Variants in SLC4A4 observed in about 807,000 individuals in gnomAD.
SLC4A4 encodes electrogenic sodium bicarbonate cotransporter 1.
In SLC4A4, 27 loss-of-function variants were observed where a neutral mutation model predicts 111.5. That is an observed-to-expected ratio of 0.24 (90% CI 0.18 to 0.33). The LOEUF (loss-of-function observed/expected upper bound fraction) is 0.33, where lower values mean the gene tolerates loss of function less well. SLC4A4 is among the 10% of genes least tolerant of loss of function. The pLI is 1.00. For synonymous variants in SLC4A4, 443 were observed against 463.4 expected (o/e 0.96, Z 0.57); for missense variants, 909 against 1,315.5 (o/e 0.69, Z 4.78).
chr4:71,391,594 T>A (rs150745199), intron 6 of SLC4A4, among the ~76,000 whole-genome samples: 4 of 152,236 alleles, frequency 2.6e-5, no homozygotes, highest in Admixed American at 2.0e-4. Context: ...GAAAATGAAG[T>A]TGTTTTTGAT....
At chr4:71,488,672 G>T (rs1190041284) in intron 15 of SLC4A4, among the ~76,000 whole-genome samples, 1 of 151,696 alleles carries the variant, frequency 6.6e-6, no homozygotes, top group East Asian at 2.0e-4. Context: ...GTAGAACAAA[G>T]ATTTGAAGTG....
intron 3 of SLC4A4, among the ~76,000 whole-genome samples, chr4:71,329,602 G>T (rs1363344729): frequency 1.3e-5 from 2 of 151,920 alleles, no homozygotes; most frequent in East Asian, 1.9e-4. Context: ...TTACTTTCTT[G>T]ATTTCTTTTT....
chr4:71,487,084 TTATAA>T (rs1729474490), intron 15 of SLC4A4, 66 bp downstream of exon 15: 1 of 929,266 alleles, frequency 1.1e-6, no homozygotes, highest in East Asian at 2.5e-5. Context: ...TTTATAATAC[TTATAA>T]TATATGATGT....
chr4:71,376,420 G>A (rs34829556), intron 6 of SLC4A4, among the ~76,000 whole-genome samples: 19,449 of 150,382 alleles, frequency 0.13, 1,689 homozygotes, highest in South Asian at 0.29. Context: ...AGCCAGGATG[G>A]TCTTGATCTC....
At chr4:71,284,709 C>T (rs1193784024) in intron 3 of SLC4A4, among the ~76,000 whole-genome samples, 2 of 152,120 alleles carry the variant, frequency 1.3e-5, no homozygotes, top group Non-Finnish European at 2.9e-5. Flanking sequence ...TGGCTGTTTG[C>T]ATTTAAACAA....
At chr4:71,135,441 C>T (rs1045488819) in intron 2 of SLC4A4, among the ~76,000 whole-genome samples, 1 of 151,746 alleles carries the variant, frequency 6.6e-6, no homozygotes, top group African/African-American at 2.4e-5. Flanking sequence ...GACTACAGGC[C>T]TGCACCACCA....
chr4:71,431,668 T>A (rs1723656480), intron 7 of SLC4A4, among the ~76,000 whole-genome samples: 1 of 152,112 alleles, frequency 6.6e-6, no homozygotes, highest in Non-Finnish European at 1.5e-5. Flanking sequence ...CACCACACAT[T>A]TTTATTTTAG....
Position 71,090,417 on chromosome 4 carries a change from T to A in SLC4A4, c.-64-2313T>A, listed in dbSNP as rs952704330. Among the ~76,000 whole-genome samples, 7 of 152,176 alleles carry A rather than the reference T, an allele frequency of 4.6e-5. No homozygotes were observed. The East Asian group carries it at 1.4e-3, about 29-fold the overall frequency. ...CACCCACTGTCCTGCACCCACTTTCTGACACTCCCCAGTGAGATGAACCTG... is the reference window on the plus strand; with the variant it reads ...CACCCACTGTCCTGCACCCACTTTCAGACACTCCCCAGTGAGATGAACCTG... On this transcript the variant is annotated intron_variant, in intron 1 of 26. Transcript: ENST00000649996.
intron 7 of SLC4A4, among the ~76,000 whole-genome samples, chr4:71,402,144 A>AT (rs1560475488): frequency 6.6e-6 from 1 of 152,206 alleles, no homozygotes; most frequent in Non-Finnish European, 1.5e-5. Flanking sequence ...GAATTTAAAT[A>AT]TTTTGTCAGA....
At chr4:71,540,622 C>G (rs1734952624) in intron 18 of SLC4A4, among the ~76,000 whole-genome samples, 1 of 152,042 alleles carries the variant, frequency 6.6e-6, no homozygotes, top group African/African-American at 2.4e-5. Flanking sequence ...CCGTCTGTGC[C>G]CTGAAGGAGT....
intron 2 of SLC4A4, among the ~76,000 whole-genome samples, chr4:71,121,105 A>AGCAGG (rs1743406384): frequency 6.6e-6 from 1 of 152,028 alleles, no homozygotes; most frequent in Non-Finnish European, 1.5e-5. Flanking sequence ...AGGGTCCCCC[A>AGCAGG]GTAGGGCTGG....
chr4:71,289,795 C>T (rs1724193280), intron 3 of SLC4A4, among the ~76,000 whole-genome samples: 1 of 152,186 alleles, frequency 6.6e-6, no homozygotes, highest in South Asian at 2.1e-4. Context: ...ATAAGCAAGA[C>T]AACAAGCACA....
chr4:71,545,519 A>G (rs1446899832), intron 18 of SLC4A4, among the ~76,000 whole-genome samples: 2 of 152,056 alleles, frequency 1.3e-5, no homozygotes, highest in Admixed American at 6.6e-5. Flanking sequence ...AAGAAATAGA[A>G]CCATAGAATA....
upstream of SLC4A4, among the ~76,000 whole-genome samples, chr4:71,183,141 G>C (rs950119629): frequency 6.6e-6 from 1 of 152,202 alleles, no homozygotes; most frequent in Non-Finnish European, 1.5e-5. Context: ...TAAGCTCCTT[G>C]ATTTTAATGC....
chr4:71,421,917 A>G (rs1022716511), intron 7 of SLC4A4, among the ~76,000 whole-genome samples: 33 of 152,166 alleles, frequency 2.2e-4, no homozygotes, highest in African/African-American at 6.0e-4. Context: ...TAACATCACA[A>G]TTAAAGGAAC....
At chr4:71,095,091 C>T (rs367791019) in intron 2 of SLC4A4, among the ~76,000 whole-genome samples, 1 of 152,132 alleles carries the variant, frequency 6.6e-6, no homozygotes. Context: ...TCAGAGAGCA[C>T]TATGTTGAAA....
chr4:71,551,140 TC>T (rs1735962197), intron 20 of SLC4A4, among the ~76,000 whole-genome samples: 1 of 151,880 alleles, frequency 6.6e-6, no homozygotes, highest in South Asian at 2.1e-4. Context: ...GAAAGGCACT[TC>T]CTTGAGCTTA....
At chr4:71,243,926 G>A (rs990647954) in intron 2 of SLC4A4, among the ~76,000 whole-genome samples, 14 of 152,090 alleles carry the variant, frequency 9.2e-5, no homozygotes, top group Admixed American at 8.5e-4. Flanking sequence ...GGAATGCTCA[G>A]TAACTTTTAC....
intron 2 of SLC4A4, among the ~76,000 whole-genome samples, chr4:71,181,828 C>A (rs1191947149): frequency 6.6e-6 from 1 of 152,152 alleles, no homozygotes; most frequent in Non-Finnish European, 1.5e-5. Context: ...AAGCAGCTGT[C>A]CCTTGCCCTG....
Sources: gnomAD v4.1 joint callset for allele counts (sites outside exome capture counted in the v4.1 genomes callset) on GRCh38, gnomAD v4.1.1 for gene constraint, MANE v1.5 for transcripts, NCBI Gene and HGNC (gene_info 2026-07-23, HGNC 2026-07-21) for gene names.